GLIS3: variants seen among roughly 807,000 people sequenced by gnomAD.
GLIS3 encodes the protein zinc finger protein GLIS3.
In GLIS3, 53 loss-of-function variants were observed where a neutral mutation model predicts 78.6. That is an observed-to-expected ratio of 0.67 (90% CI 0.54 to 0.85). GLIS3 has a LOEUF of 0.85. GLIS3 is among the 40% of genes least tolerant of loss of function. GLIS3 has a pLI of 0.00. For synonymous variants in GLIS3, 684 were observed against 509.9 expected, an observed-to-expected ratio of 1.34 and a Z score of -4.60; for missense variants, 1,703 against 1,231.1, an observed-to-expected ratio of 1.38 and a Z score of -5.74.
At chr9:3,901,523 G>A (rs936409671) in intron 6 of GLIS3, among the ~76,000 whole-genome samples, 58 of 152,158 alleles carry the variant, frequency 3.8e-4, no homozygotes, top group African/African-American at 1.4e-3. Flanking sequence ...TGGCAATGAC[G>A]ATGACCAAAT....
intron 8 of GLIS3, among the ~76,000 whole-genome samples, chr9:3,862,740 T>C (rs1306222276): frequency 6.6e-6 from 1 of 152,140 alleles, no homozygotes; most frequent in Non-Finnish European, 1.5e-5. Flanking sequence ...GTGTTCTGGA[T>C]AGTTTTTCTT....
In GLIS3 at chr9:3,849,737, G is replaced by A. The variant is rs142563499; in HGVS notation, c.2473+6272C>T. Reference sequence around the variant, plus strand: ...AGTCTGGCCCACATGGTGAAACCCCGTCTCTACTAAAAATACAAAAAATTA... The same window carrying A: ...AGTCTGGCCCACATGGTGAAACCCCATCTCTACTAAAAATACAAAAAATTA... On this transcript the variant is annotated intron_variant, in intron 9 of 10. Transcript: ENST00000381971. 1.1e-3 allele frequency among the ~76,000 whole-genome samples: 173 copies of A among 152,150 alleles called. 1 individual carries two copies. The highest frequency in any genetic ancestry group is 4.0e-3 in the African/African-American group (167 of 41,488).
At chr9:3,962,826 G>A (rs1817658174) in intron 4 of GLIS3, among the ~76,000 whole-genome samples, 1 of 151,998 alleles carries the variant, frequency 6.6e-6, no homozygotes, top group Non-Finnish European at 1.5e-5. Context: ...CTTTCAGGAG[G>A]AGTAAGCTAA....
At chr9:3,861,791 G>A (rs1190416542) in intron 8 of GLIS3, among the ~76,000 whole-genome samples, 1 of 152,168 alleles carries the variant, frequency 6.6e-6, no homozygotes, top group Admixed American at 6.5e-5. Context: ...GTTAGTGGGT[G>A]CAGGGGAGGG....
chr9:3,934,815 C>T (rs531400902), intron 5 of GLIS3, among the ~76,000 whole-genome samples: 16 of 152,280 alleles, frequency 1.1e-4, no homozygotes, highest in African/African-American at 3.9e-4. Flanking sequence ...TAGGGAAGGA[C>T]TGGTATGCCA....
At chr9:4,112,086 G>A (rs1169663922) in intron 4 of GLIS3, among the ~76,000 whole-genome samples, 1 of 152,160 alleles carries the variant, frequency 6.6e-6, no homozygotes, top group African/African-American at 2.4e-5. Context: ...TGGGAACAGG[G>A]TGACAAATTT....
intron 6 of GLIS3, among the ~76,000 whole-genome samples, chr9:3,926,564 A>G (rs1031833564): frequency 1.3e-5 from 2 of 149,460 alleles, no homozygotes; most frequent in Admixed American, 6.7e-5. Flanking sequence ...GCCAATCTAT[A>G]TTTTTTCATT....
At chr9:4,156,222 C>T (rs1835032015) in intron 2 of GLIS3, among the ~76,000 whole-genome samples, 1 of 152,212 alleles carries the variant, frequency 6.6e-6, no homozygotes, top group South Asian at 2.1e-4. Flanking sequence ...TCCTCACATT[C>T]ACATAGAAAT....
chr9:4,456,057 G>T, the GLIS3 span, among the ~76,000 whole-genome samples: 2 of 152,010 alleles, frequency 1.3e-5, no homozygotes, highest in Non-Finnish European at 2.9e-5. Flanking sequence ...GCAGTGAGCT[G>T]AGATCACGCC....
chr9:3,918,252 T>G (rs1198921213), intron 6 of GLIS3, among the ~76,000 whole-genome samples: 1 of 152,234 alleles, frequency 6.6e-6, no homozygotes, highest in African/African-American at 2.4e-5. Context: ...TTGGCTGTCC[T>G]TGCACATTTG....
chr9:4,488,708 G>T, the GLIS3 span, among the ~76,000 whole-genome samples: 1 of 151,570 alleles, frequency 6.6e-6, no homozygotes, highest in African/African-American at 2.4e-5. Context: ...TTGGTAGACG[G>T]GATTTCCCCA....
chr9:3,979,592 G>C (rs1161345629), intron 4 of GLIS3, among the ~76,000 whole-genome samples: 2 of 151,998 alleles, frequency 1.3e-5, no homozygotes, highest in Non-Finnish European at 2.9e-5. Flanking sequence ...AGCCTTCTTG[G>C]ACCTCTTATG....
chr9:4,233,518 A>C (rs1356284454), intron 2 of GLIS3, among the ~76,000 whole-genome samples: 1 of 152,230 alleles, frequency 6.6e-6, no homozygotes, highest in Admixed American at 6.5e-5. Context: ...GTAGGTCTCA[A>C]CAGAGGACTT....
At chr9:4,401,887 G>C in the GLIS3 span, among the ~76,000 whole-genome samples, 1 of 152,126 alleles carries the variant, frequency 6.6e-6, no homozygotes, top group Non-Finnish European at 1.5e-5. Flanking sequence ...ATGGCTCCAG[G>C]GAGAGGCCCC....
At chr9:4,312,875 A>G (rs1418589534) in intron 2 of GLIS3, among the ~76,000 whole-genome samples, 2 of 152,232 alleles carry the variant, frequency 1.3e-5, no homozygotes, top group Non-Finnish European at 2.9e-5. Context: ...CAGGCCAGGC[A>G]TGTTACATAT....
At chr9:3,974,287 G>T (rs1285986649) in intron 4 of GLIS3, among the ~76,000 whole-genome samples, 1 of 152,088 alleles carries the variant, frequency 6.6e-6, no homozygotes, top group Non-Finnish European at 1.5e-5. Context: ...AGAGACTATG[G>T]TTTAGTTTTA....
intron 4 of GLIS3, among the ~76,000 whole-genome samples, chr9:4,006,321 A>AAC (rs1425856557): frequency 1.3e-5 from 2 of 151,682 alleles, no homozygotes; most frequent in Non-Finnish European, 2.9e-5. Context: ...AAAAAAAAAA[A>AAC]AAAAAAAACT....
intron 4 of GLIS3, among the ~76,000 whole-genome samples, chr9:4,008,814 T>C (rs908303323): frequency 1.3e-5 from 2 of 152,194 alleles, no homozygotes; most frequent in African/African-American, 4.8e-5. Flanking sequence ...GAGATGACTC[T>C]GTTCCAACAT....
intron 2 of GLIS3, among the ~76,000 whole-genome samples, chr9:4,201,349 GA>G (rs1819375779): frequency 6.6e-6 from 1 of 151,900 alleles, no homozygotes; most frequent in Non-Finnish European, 1.5e-5. Flanking sequence ...TCAGACAAGA[GA>G]AAGAAAAAAA....
Sources: gnomAD v4.1 joint callset for allele counts (sites outside exome capture counted in the v4.1 genomes callset) on GRCh38, gnomAD v4.1.1 for gene constraint, MANE v1.5 for transcripts, NCBI Gene and HGNC (gene_info 2026-07-23, HGNC 2026-07-21) for gene names.